C8orf34: variants seen among roughly 807,000 people sequenced by gnomAD.
The protein encoded by C8orf34 is uncharacterized protein C8orf34.
A neutral mutation model predicts 68.3 loss-of-function variants in C8orf34; 65 were observed. The observed-to-expected ratio is 0.95, with a 90% CI of 0.78 to 1.17. C8orf34 has a LOEUF of 1.17. Ranked by LOEUF, C8orf34 falls within the 50% of genes most tolerant of loss-of-function variation. The probability of loss-of-function intolerance (pLI) is 0.00; values close to 1 mark genes in which losing one functional copy is unlikely to be tolerated. For synonymous variants in C8orf34, 244 were observed against 241.2 expected (o/e 1.01, Z -0.11); for missense variants, 664 against 655.4 (o/e 1.01, Z -0.14).
At chr8:68,760,173 G>T (rs1822982855) in intron 10 of C8orf34, among the ~76,000 whole-genome samples, 1 of 152,144 alleles carries the variant, frequency 6.6e-6, no homozygotes, top group African/African-American at 2.4e-5. Context: ...AGCCTGCGGA[G>T]GCCACCCACA....
intron 10 of C8orf34, among the ~76,000 whole-genome samples, chr8:68,775,860 T>C (rs1447227009): frequency 1.3e-5 from 2 of 152,000 alleles, no homozygotes; most frequent in Non-Finnish European, 2.9e-5. Context: ...TGCAGGGACA[T>C]GGATGGAGCT....
At chr8:68,402,237 G>A (rs1808990540) in intron 1 of C8orf34, among the ~76,000 whole-genome samples, 1 of 151,910 alleles carries the variant, frequency 6.6e-6, no homozygotes, top group Non-Finnish European at 1.5e-5. Context: ...GTATTTGCAG[G>A]GTATCAGTTG....
At chr8:68,597,447 T>C (rs1464854709) in intron 7 of C8orf34, among the ~76,000 whole-genome samples, 1 of 152,100 alleles carries the variant, frequency 6.6e-6, no homozygotes, top group African/African-American at 2.4e-5. Flanking sequence ...TAGAAAAGTG[T>C]TTAAATTAGA....
At chr8:68,367,650 C>CA (rs1249599613) in intron 1 of C8orf34, among the ~76,000 whole-genome samples, 2 of 139,146 alleles carry the variant, frequency 1.4e-5, no homozygotes, top group Non-Finnish European at 3.1e-5. Flanking sequence ...ATCACAAGAA[C>CA]AAAAAACCAA....
At chr8:68,783,605 C>T (rs1012817030) in intron 11 of C8orf34, among the ~76,000 whole-genome samples, 1 of 151,318 alleles carries the variant, frequency 6.6e-6, no homozygotes, top group South Asian at 2.1e-4. Context: ...AAGAATGCAA[C>T]CTTTTGTCTC....
intron 5 of C8orf34, among the ~76,000 whole-genome samples, chr8:68,514,971 G>A (rs80163234): frequency 0.037 from 5,656 of 152,148 alleles, 355 homozygotes; most frequent in African/African-American, 0.13. Flanking sequence ...GAACAGGGGG[G>A]AATGGAACAG....
intron 9 of C8orf34, among the ~76,000 whole-genome samples, chr8:68,709,481 T>C (rs993101824): frequency 2.6e-5 from 4 of 152,174 alleles, no homozygotes; most frequent in South Asian, 2.1e-4. Context: ...ACGTCATTGA[T>C]CCAGTCATTC....
rs139033637 is a variant in C8orf34, at chr8:68,689,333, C to G, written c.1242-19661C>G. ...TACACTGCTTTGGTGATGGGGGAAA[C>G]TAAAATCTCAGAAATCACCACTGTA... On this transcript the variant is annotated intron_variant, in intron 8 of 13. Coordinates refer to ENST00000518698, the MANE Select transcript of C8orf34 (RefSeq NM_052958.4). Among the ~76,000 whole-genome samples, 402 of 152,048 alleles carry G rather than the reference C, an allele frequency of 2.6e-3. 1 individual carries two copies. Among genetic ancestry groups the G allele is most frequent in the African/African-American group, 9.1e-3 (377 of 41,522 alleles).
At chr8:68,629,593 A>C (rs577558305) in intron 7 of C8orf34, among the ~76,000 whole-genome samples, 1 of 152,332 alleles carries the variant, frequency 6.6e-6, no homozygotes, top group Non-Finnish European at 1.5e-5. Context: ...TTAATTAATT[A>C]TCAAATTATA....
chr8:68,482,813 G>A (rs1353182758), intron 4 of C8orf34, among the ~76,000 whole-genome samples: 1 of 152,182 alleles, frequency 6.6e-6, no homozygotes, highest in Non-Finnish European at 1.5e-5. Flanking sequence ...GTGTTGGGAA[G>A]GAATGTGGGG....
intron 10 of C8orf34, among the ~76,000 whole-genome samples, chr8:68,750,250 A>G (rs1216871943): frequency 2.0e-5 from 3 of 152,198 alleles, no homozygotes; most frequent in African/African-American, 4.8e-5. Flanking sequence ...TGGATAAACT[A>G]TATGAGAGAA....
intron 6 of C8orf34, 121 bp from the exon 7 acceptor site, chr8:68,532,862 A>T (rs887384988): frequency 1.5e-6 from 1 of 656,554 alleles, no homozygotes; most frequent in Non-Finnish European, 2.5e-6. Flanking sequence ...TATTTCCATT[A>T]TCCTTGGGGA....
At chr8:68,783,011 G>GCAGT (rs1563667021) in intron 11 of C8orf34, among the ~76,000 whole-genome samples, 1 of 150,682 alleles carries the variant, frequency 6.6e-6, no homozygotes, top group Non-Finnish European at 1.5e-5. Flanking sequence ...GGTCGAGGCT[G>GCAGT]CAGTGTGCCA....
At chr8:68,739,344 G>A (rs59328859) in intron 10 of C8orf34, among the ~76,000 whole-genome samples, 28,136 of 151,654 alleles carry the variant, frequency 0.19, 2,852 homozygotes, top group Middle Eastern at 0.3. Flanking sequence ...CATACCAAAC[G>A]GATAAAAGCT....
intron 7 of C8orf34, among the ~76,000 whole-genome samples, chr8:68,551,505 G>A (rs1451419021): frequency 6.6e-6 from 1 of 151,970 alleles, no homozygotes; most frequent in Admixed American, 6.6e-5. Flanking sequence ...CACTATATCT[G>A]AATCTGGTTA....
chr8:68,713,199 T>C (rs1395038328), intron 9 of C8orf34, among the ~76,000 whole-genome samples: 1 of 152,072 alleles, frequency 6.6e-6, no homozygotes, highest in Non-Finnish European at 1.5e-5. Context: ...TTCATAGCAT[T>C]AAATGCCTAT....
chr8:68,335,470 T>C (rs1194199307), intron 1 of C8orf34, among the ~76,000 whole-genome samples: 1 of 152,182 alleles, frequency 6.6e-6, no homozygotes, highest in African/African-American at 2.4e-5. Flanking sequence ...AAAATTTGCA[T>C]TAATCTTTAT....
chr8:68,700,375 A>G (rs1023113537), intron 8 of C8orf34, among the ~76,000 whole-genome samples: 1 of 152,114 alleles, frequency 6.6e-6, no homozygotes, highest in African/African-American at 2.4e-5. Context: ...TCAAGGATGA[A>G]AGCGAAGAGC....
At chr8:68,752,402 C>G (rs1177783350) in intron 10 of C8orf34, among the ~76,000 whole-genome samples, 1 of 152,156 alleles carries the variant, frequency 6.6e-6, no homozygotes, top group Non-Finnish European at 1.5e-5. Context: ...GTGCTGGAAC[C>G]AGGCGGTATG....
Sources: allele counts gnomAD v4.1 joint callset (sites outside exome capture counted in the v4.1 genomes callset), GRCh38; gene constraint gnomAD v4.1.1; transcripts MANE v1.5; gene names NCBI Gene and HGNC (gene_info 2026-07-23, HGNC 2026-07-21).